AOAH: variants seen among roughly 807,000 people sequenced by gnomAD.
AOAH encodes acyloxyacyl hydrolase (neutrophil).
In AOAH, 64 loss-of-function variants were observed where a neutral mutation model predicts 92.2. The ratio of observed to expected loss-of-function variants is 0.69; its 90% confidence interval spans 0.57 to 0.86. The LOEUF is 0.86. Among genes scored for constraint, AOAH ranks in the 40% least tolerant of loss-of-function variants. The pLI, the probability that AOAH is intolerant of heterozygous loss-of-function variation, is 0.00. For missense variants in AOAH, 656 were observed against 694.6 expected, an observed-to-expected ratio of 0.94 and a Z score of 0.62; for synonymous variants, 263 against 254.5, an observed-to-expected ratio of 1.03 and a Z score of -0.32.
intron 12 of AOAH, among the ~76,000 whole-genome samples, chr7:36,579,917 T>C (rs1269977260): frequency 6.6e-6 from 1 of 152,218 alleles, no homozygotes; most frequent in African/African-American, 2.4e-5. Flanking sequence ...CCATCACAGT[T>C]ATGATATTTT....
At chr7:36,672,899 T>C (rs745586108) in intron 3 of AOAH, among the ~76,000 whole-genome samples, 1 of 152,166 alleles carries the variant, frequency 6.6e-6, no homozygotes, top group Admixed American at 6.5e-5. Context: ...ATGTATTATA[T>C]GATAATGAAT....
rs1365234286 is a variant in AOAH, at chr7:36,724,399, G to C, written c.-251C>G. The C allele has an allele frequency of 5.5e-6, 2 of 364,466 alleles. No individual in the cohort carries two copies. The highest frequency in any genetic ancestry group is 1.1e-5 in the Non-Finnish European group (2 of 189,192). The allele number at this position is 364,466 out of a possible 1,614,324, so 22.6% of individuals were successfully genotyped here. Reference sequence around the variant, plus strand: ...GAGAGCCACACACAAAGAGCTGGAGGGAGTCTGTGGTGTGCGGTTCTGCTG... The same window carrying C: ...GAGAGCCACACACAAAGAGCTGGAGCGAGTCTGTGGTGTGCGGTTCTGCTG... On this transcript the variant is annotated 5_prime_UTR_variant, in exon 1 of 21. Coordinates refer to ENST00000617537, the MANE Select transcript of AOAH (RefSeq NM_001637.4).
rs182445148 is a variant in AOAH at position 36,648,114 on chromosome 7, T to C, written c.391-10204A>G. ...CCCAAAGTGCTGGGATTACAGGTGA[T>C]CCTCCTGCCTCAACCTCCCAAGTGC... On this transcript the variant is annotated intron_variant, in intron 4 of 20. Transcript: ENST00000617537. Among the ~76,000 whole-genome samples, 294 of 152,066 alleles carry C rather than the reference T, an allele frequency of 1.9e-3. 4 individuals carry two copies. In the Middle Eastern group the frequency reaches 0.02, roughly 11 times the overall value.
chr7:36,708,358 T>C (rs1798559051), intron 1 of AOAH, among the ~76,000 whole-genome samples: 1 of 152,198 alleles, frequency 6.6e-6, no homozygotes, highest in South Asian at 2.1e-4. Flanking sequence ...AAATTTCAAT[T>C]ATTGATTTTT....
intron 16 of AOAH, among the ~76,000 whole-genome samples, chr7:36,534,922 CTGTG>C (rs764547238): frequency 5.4e-5 from 8 of 149,158 alleles, no homozygotes; most frequent in African/African-American, 2.0e-4. Context: ...CTCTGTCTGT[CTGTG>C]TTTTTGTGTG....
chr7:36,659,072 CACTG>C lies in AOAH; in HGVS notation c.390+90_390+93del, dbSNP rs1795046688. ...ATCTTGCCTCTCCCTGTCCCCAAAA[CACTG>C]AGCGAGTAAAAGCTAAGCCTCCCTT... is the stretch of plus-strand genomic sequence containing the variant. On this transcript the variant is annotated intron_variant, in intron 4 of 20. Transcript: ENST00000617537. The C allele has an allele frequency of 1.3e-5, 13 of 1,030,644 alleles. 1 individual carries two copies. The South Asian group carries it at 1.7e-4, about 13-fold the overall frequency. 63.8% of individuals were successfully genotyped at this position (1,030,644 alleles called of 1,614,324 possible).
At chr7:36,528,371 C>G (rs964600018) in intron 19 of AOAH, among the ~76,000 whole-genome samples, 3 of 152,206 alleles carry the variant, frequency 2.0e-5, no homozygotes, top group African/African-American at 7.2e-5. Context: ...CAAGAAAGGG[C>G]TGATGAGGCC....
Position 36,614,603 on chromosome 7 carries a change from G to A in AOAH, c.846+1777C>T, listed in dbSNP as rs181579522. ...GCCTGTCTTCTCCTTCTTGCCCTGC[G>A]ACTGCTGCACCCTCCAACAAAGTGG... On this transcript the variant is annotated intron_variant, in intron 11 of 20. Transcript: ENST00000617537. The surrounding 1 kb of genome is among the most constrained non-coding windows in gnomAD (Gnocchi z 4.2). Among the ~76,000 whole-genome samples, 6 of 152,208 alleles carry A rather than the reference G, an allele frequency of 3.9e-5. No individual in the cohort carries two copies. The highest frequency in any genetic ancestry group is 1.2e-4 in the African/African-American group (5 of 41,514).
intron 16 of AOAH, 79 bp downstream of exon 16, chr7:36,540,240 A>T: frequency 7.5e-7 from 1 of 1,331,954 alleles, no homozygotes; most frequent in South Asian, 1.6e-5. Flanking sequence ...GCACATTTCT[A>T]TATGGTTTGA....
intron 16 of AOAH, among the ~76,000 whole-genome samples, chr7:36,534,610 C>G (rs1331058981): frequency 3.3e-5 from 5 of 152,228 alleles, no homozygotes; most frequent in African/African-American, 1.2e-4. Flanking sequence ...TTGGCAATAT[C>G]AGTTGGTCCC....
intron 1 of AOAH, among the ~76,000 whole-genome samples, chr7:36,705,385 T>G (rs1471297241): frequency 6.6e-6 from 1 of 152,060 alleles, no homozygotes. Context: ...CATTCACAAT[T>G]GCTACAAAGA....
chr7:36,647,945 C>T (rs531486922), intron 4 of AOAH, among the ~76,000 whole-genome samples: 4 of 151,950 alleles, frequency 2.6e-5, no homozygotes, highest in African/African-American at 9.7e-5. Context: ...ATTCTCCTGT[C>T]TCAGCCTCCC....
intron 5 of AOAH, among the ~76,000 whole-genome samples, chr7:36,632,609 G>A (rs1038079668): frequency 6.6e-6 from 1 of 152,160 alleles, no homozygotes; most frequent in Non-Finnish European, 1.5e-5. Context: ...CGATTTCTAT[G>A]AGGCTCCAGA....
At chr7:36,703,502 G>A (rs1031645023) in intron 1 of AOAH, among the ~76,000 whole-genome samples, 7 of 152,038 alleles carry the variant, frequency 4.6e-5, no homozygotes, top group East Asian at 1.9e-4. Flanking sequence ...CCATCAACCC[G>A]TCATCTACAT....
At chr7:36,693,242 A>C (rs1797519211) in intron 1 of AOAH, among the ~76,000 whole-genome samples, 1 of 152,226 alleles carries the variant, frequency 6.6e-6, no homozygotes. Flanking sequence ...AATGGATATC[A>C]AGAAATTATT....
chr7:36,550,476 C>A (rs569002584), intron 13 of AOAH, among the ~76,000 whole-genome samples: 7 of 152,262 alleles, frequency 4.6e-5, no homozygotes, highest in African/African-American at 1.7e-4. Context: ...GTTGTATTCC[C>A]ACTTTTAAAT....
chr7:36,621,864 G>T lies in AOAH; in HGVS notation c.583-84C>A, dbSNP rs1792307069. The T allele has an allele frequency of 1.8e-5, 21 of 1,167,040 alleles. No individual in the cohort carries two copies. The Admixed American group carries it at 2.7e-4, about 15-fold the overall frequency. 72.3% of individuals were successfully genotyped at this position (1,167,040 alleles called of 1,614,324 possible). ...AAGGCTAATCAGAGTTGTCTGAATG[G>T]CATTGACATCCACAGTTTTTAATTC... On this transcript the variant is annotated intron_variant, in intron 7 of 20. Transcript: ENST00000617537.
In AOAH at chr7:36,551,374, A is replaced by G. The variant is rs59548937; in HGVS notation, c.1022-1899T>C. On this transcript the variant is annotated intron_variant, in intron 13 of 20. Coordinates refer to ENST00000617537, the MANE Select transcript of AOAH (RefSeq NM_001637.4). ...GGTGTGAGCCACCGCATCTGGCCTC[A>G]TTTCATCTTTCCATCCCTTTTGAGT... Among the ~76,000 whole-genome samples, 1,400 of 152,106 alleles carry G rather than the reference A, an allele frequency of 9.2e-3. 14 individuals are homozygous for G. The highest frequency in any genetic ancestry group is 0.03 in the African/African-American group (1,259 of 41,510).
intron 10 of AOAH, 31 bp downstream of exon 10, chr7:36,618,264 CAT>C: frequency 6.3e-7 from 1 of 1,594,008 alleles, no homozygotes; most frequent in African/African-American, 1.3e-5. Context: ...GAATATCTAT[CAT>C]TATAACCACA....
Sources: allele counts gnomAD v4.1 joint callset (sites outside exome capture counted in the v4.1 genomes callset), GRCh38; gene constraint gnomAD v4.1.1; non-coding constraint Gnocchi (gnomAD v3.1); transcripts MANE v1.5; gene names NCBI Gene and HGNC (gene_info 2026-07-23, HGNC 2026-07-21).